The following RARA variants were observed in gnomAD, a reference collection of about 807,000 sequenced individuals.
RARA encodes retinoic acid receptor alpha, also known as PML-DDX5-RARA fusion.
A neutral mutation model predicts 42.8 loss-of-function variants in RARA; 5 were observed. The ratio of observed to expected loss-of-function variants is 0.12; its 90% confidence interval spans 0.06 to 0.25. RARA has a LOEUF of 0.25. Among genes scored for constraint, RARA ranks in the 10% least tolerant of loss-of-function variants. The pLI is 1.00. For missense variants in RARA, 402 were observed against 628.7 expected (o/e 0.64, Z 3.86); for synonymous variants, 256 against 259.5 (o/e 0.99, Z 0.13).
rs35513691 is a variant in RARA at position 40,351,858 on chromosome 17, G to A, written c.470-52G>A. ...GCTCTCTGTCAGGCTGGGGGTGGAC[G>A]AGGCCCTGAGCAGCCTGCAGCTGCC... On this transcript the variant is annotated intron_variant, in intron 4 of 8. Transcript: ENST00000254066. This position sits in a 1 kb window ranked among gnomAD's most constrained non-coding sequence, Gnocchi z 4.1. 1.4e-5 allele frequency: 22 copies of A among 1,575,884 alleles called. No homozygotes were observed. Among genetic ancestry groups the A allele is most frequent in the Middle Eastern group, 3.8e-4 (2 of 5,280 alleles).
intron 2 of RARA, 46 bp from the exon 3 acceptor site, chr17:40,348,270 A>G: frequency 1.3e-6 from 2 of 1,509,440 alleles, no homozygotes; most frequent in South Asian, 1.3e-5. Flanking sequence ...GGTACTAAGG[A>G]TGGCGACCTA....
intron 2 of RARA, among the ~76,000 whole-genome samples, chr17:40,337,134 C>T (rs190454680): frequency 1.3e-5 from 2 of 152,214 alleles, no homozygotes; most frequent in Non-Finnish European, 2.9e-5. Flanking sequence ...GACATTATCC[C>T]CACTTACACA....
chr17:40,312,854 T>C (rs1460901867), intron 1 of RARA, among the ~76,000 whole-genome samples: 1 of 152,198 alleles, frequency 6.6e-6, no homozygotes, highest in African/African-American at 2.4e-5. Context: ...TGTTGAGACC[T>C]GAACCCAGGC....
intron 3 of RARA, chr17:40,348,827 A>AC (rs1009274745): frequency 1.1e-5 from 2 of 185,928 alleles, no homozygotes; most frequent in African/African-American, 4.7e-5. Context: ...CCCTGCCTGA[A>AC]CCTCACCATG....
At chr17:40,310,860 C>G (rs1445145133) in intron 1 of RARA, among the ~76,000 whole-genome samples, 4 of 152,098 alleles carry the variant, frequency 2.6e-5, no homozygotes, top group Non-Finnish European at 5.9e-5. Flanking sequence ...GGATGGAATC[C>G]TCTTCCTAAA....
intron 2 of RARA, among the ~76,000 whole-genome samples, chr17:40,339,174 T>C (rs1330451738): frequency 2.0e-5 from 3 of 152,148 alleles, no homozygotes; most frequent in African/African-American, 4.8e-5. Context: ...AGGGTAGAGC[T>C]GGGTACTGTC....
intron 1 of RARA, among the ~76,000 whole-genome samples, chr17:40,309,808 G>T (rs185113246): frequency 3.3e-5 from 5 of 152,174 alleles, no homozygotes; most frequent in Admixed American, 2.0e-4. Flanking sequence ...GTGGCTAAAG[G>T]CTTTGCTAGA....
Position 40,356,446 on chromosome 17 carries a change from A to T in RARA, c.*220A>T, listed in dbSNP as rs2034633532. ...CTCCCACAGCCTGGGCTGACGTCAG[A>T]GGCCGAGGCCAGGAACTGAGTGAGG... On this transcript the variant is annotated 3_prime_UTR_variant, in exon 9 of 9. Coordinates refer to ENST00000254066, the MANE Select transcript of RARA (RefSeq NM_000964.4). The T allele has an allele frequency of 1.4e-6, 1 of 711,784 alleles. No homozygotes were observed. The allele number at this position is 711,784 out of a possible 1,614,324, so 44.1% of individuals were successfully genotyped here.
At chr17:40,341,865 C>A in intron 2 of RARA, 1 of 1,027,744 alleles carries the variant, frequency 9.7e-7, no homozygotes, top group Non-Finnish European at 1.3e-6. Flanking sequence ...CTCTTCCGTC[C>A]TTGTCCCCTC....
In RARA at chr17:40,355,640, G is replaced by A. The variant is rs1381726657; in HGVS notation, c.1171+219G>A. Among the ~76,000 whole-genome samples the A allele has an allele frequency of 6.6e-6, 1 of 152,240 alleles. No individual in the cohort carries two copies. The highest frequency in any genetic ancestry group is 2.4e-5 in the African/African-American group (1 of 41,466). ...CGTGGCTCTGGAACCAGACACGTGG[G>A]TGTGTGTCCTTGTGTGGGTCACTCA... On this transcript the variant is annotated intron_variant, in intron 8 of 8. Transcript: ENST00000254066. This position sits in a 1 kb window ranked among gnomAD's most constrained non-coding sequence, Gnocchi z 4.1.
Position 40,351,638 on chromosome 17 carries a change from A to T in RARA, c.470-272A>T. The T allele has an allele frequency of 3.8e-6, 2 of 530,748 alleles. No individual in the cohort carries two copies. Among genetic ancestry groups the T allele is most frequent in the Non-Finnish European group, 6.9e-6 (2 of 288,464 alleles). The allele number at this position is 530,748 out of a possible 1,614,324, so 32.9% of individuals were successfully genotyped here. On this transcript the variant is annotated intron_variant, in intron 4 of 8. Coordinates refer to ENST00000254066, the MANE Select transcript of RARA (RefSeq NM_000964.4). This position sits in a 1 kb window ranked among gnomAD's most constrained non-coding sequence, Gnocchi z 4.1. ...CTGGAGTAGACGCGTGGGGGATAGC[A>T]TGCGGCTGGCTATGGGGTGGGGTGG...
chr17:40,328,109 C>T (rs2143252264), intron 1 of RARA, among the ~76,000 whole-genome samples: 1 of 152,268 alleles, frequency 6.6e-6, no homozygotes, highest in Non-Finnish European at 1.5e-5. Flanking sequence ...AGTACCTGTC[C>T]CCTCCCACCC....
intron 4 of RARA, chr17:40,350,475 C>T (rs2034406406): frequency 6.5e-6 from 1 of 153,528 alleles, no homozygotes; most frequent in South Asian, 2.0e-4. Flanking sequence ...CCACTTTGGG[C>T]TCAGCTGAGG....
rs1310914518 is a variant in RARA at position 40,357,296 on chromosome 17, C to T, written c.*1070C>T. On this transcript the variant is annotated 3_prime_UTR_variant, in exon 9 of 9. Coordinates refer to ENST00000254066, the MANE Select transcript of RARA (RefSeq NM_000964.4). ...CACCCCCGGCCTCAGCCACCAGCAC[C>T]CCCATAGGGCCCCCAGACACCACAC... is the stretch of plus-strand genomic sequence containing the variant. 8.5e-6 allele frequency: 2 copies of T among 236,264 alleles called. No individual in the cohort carries two copies. The highest frequency in any genetic ancestry group is 1.7e-5 in the Non-Finnish European group (2 of 120,242). The allele number at this position is 236,264 out of a possible 1,614,324, so 14.6% of individuals were successfully genotyped here.
Position 40,330,812 on chromosome 17 carries a change from G to C in RARA, c.-362-45G>C, listed in dbSNP as rs529042485. On this transcript the variant is annotated intron_variant, in intron 1 of 8. Transcript: ENST00000254066. ...GGAGCTCCACGGGGAATGCCTGTGT[G>C]CCTGTTCTTCAGTGCCCACTCACCT... is the stretch of plus-strand genomic sequence containing the variant. The C allele has an allele frequency of 3.1e-4, 72 of 235,798 alleles. 1 individual carries two copies. Among genetic ancestry groups the C allele is most frequent in the African/African-American group, 1.5e-3 (69 of 45,334 alleles). 14.6% of individuals were successfully genotyped at this position (235,798 alleles called of 1,614,324 possible).
At chr17:40,317,981 C>A (rs984759068) in intron 1 of RARA, among the ~76,000 whole-genome samples, 5 of 152,214 alleles carry the variant, frequency 3.3e-5, no homozygotes, top group Non-Finnish European at 7.3e-5. Context: ...TATTTTCATT[C>A]TTTCCGCAGA....
chr17:40,342,840 A>C (rs778668953), intron 2 of RARA: 2 of 1,612,402 alleles, frequency 1.2e-6, no homozygotes, highest in Non-Finnish European at 1.7e-6. Flanking sequence ...CCCGCTCCGG[A>C]CTCCGCTTTG....
intron 1 of RARA, among the ~76,000 whole-genome samples, chr17:40,313,330 A>G (rs925657149): frequency 2.0e-5 from 3 of 152,146 alleles, no homozygotes; most frequent in Non-Finnish European, 4.4e-5. Context: ...CTGGCTTCTG[A>G]TCGCTAGTCA....
intron 1 of RARA, among the ~76,000 whole-genome samples, chr17:40,328,730 A>G (rs1005959496): frequency 6.6e-6 from 1 of 152,268 alleles, no homozygotes; most frequent in Non-Finnish European, 1.5e-5. Context: ...AGGAATATCC[A>G]TATCATAGTA....
Sources: allele counts gnomAD v4.1 joint callset (sites outside exome capture counted in the v4.1 genomes callset), GRCh38; gene constraint gnomAD v4.1.1; non-coding constraint Gnocchi (gnomAD v3.1); transcripts MANE v1.5; gene names NCBI Gene and HGNC (gene_info 2026-07-23, HGNC 2026-07-21).